The following B3GALT1 variants were observed in gnomAD, a reference collection of about 807,000 sequenced individuals.
B3GALT1 encodes beta-1,3-galactosyltransferase 1.
Under a neutral mutation model 23.2 loss-of-function variants are expected in B3GALT1, and 10 were observed. The ratio of observed to expected loss-of-function variants is 0.43; its 90% CI spans 0.27 to 0.73. The LOEUF (loss-of-function observed/expected upper bound fraction) is 0.73, where lower values mean the gene tolerates loss of function less well. Among genes scored for constraint, B3GALT1 ranks in the 30% least tolerant of loss-of-function variants. B3GALT1 has a pLI of 0.21. For missense variants in B3GALT1, 299 were observed against 405.4 expected (o/e 0.74, Z 2.25); for synonymous variants, 156 against 141.5 (o/e 1.10, Z -0.73).
chr2:167,859,112 T>G (rs1345682649), intron 4 of B3GALT1, among the ~76,000 whole-genome samples: 5 of 152,132 alleles, frequency 3.3e-5, no homozygotes. Flanking sequence ...CTCTTTCACA[T>G]TTCTAATAAA....
At chr2:167,773,172 A>G (rs1344497920) in intron 3 of B3GALT1, among the ~76,000 whole-genome samples, 1 of 152,196 alleles carries the variant, frequency 6.6e-6, no homozygotes, top group South Asian at 2.1e-4. Flanking sequence ...ATTTTAGCCT[A>G]TCAAATAATA....
intron 4 of B3GALT1, among the ~76,000 whole-genome samples, chr2:167,861,507 C>T (rs1396541783): frequency 1.3e-5 from 2 of 152,070 alleles, no homozygotes; most frequent in African/African-American, 4.8e-5. Context: ...AAGTCAAAAA[C>T]CACAAAGATG....
At chr2:167,762,624 A>T (rs796491646) in intron 3 of B3GALT1, among the ~76,000 whole-genome samples, 29 of 152,048 alleles carry the variant, frequency 1.9e-4, no homozygotes, top group African/African-American at 6.7e-4. Context: ...GATAAAATTG[A>T]AAAAGACAGC....
At chr2:167,522,146 G>T (rs1030970158) in intron 2 of B3GALT1, among the ~76,000 whole-genome samples, 1 of 151,662 alleles carries the variant, frequency 6.6e-6, no homozygotes, top group Non-Finnish European at 1.5e-5. Context: ...CTGCCATAAG[G>T]CTTCTAGAAG....
At chr2:167,617,777 A>G (rs905454634) in intron 2 of B3GALT1, among the ~76,000 whole-genome samples, 31 of 152,060 alleles carry the variant, frequency 2.0e-4, no homozygotes, top group Non-Finnish European at 4.1e-4. Flanking sequence ...AAGTAGGGGC[A>G]TCAAGGTTCT....
At chr2:167,346,280 G>T (rs1170480458) in intron 1 of B3GALT1, among the ~76,000 whole-genome samples, 1 of 151,930 alleles carries the variant, frequency 6.6e-6, no homozygotes, top group Non-Finnish European at 1.5e-5. Flanking sequence ...AACACCCTCA[G>T]GCTCAGAAAA....
At chr2:167,469,226 A>G (rs888915812) in intron 1 of B3GALT1, among the ~76,000 whole-genome samples, 12 of 152,136 alleles carry the variant, frequency 7.9e-5, no homozygotes, top group African/African-American at 2.2e-4. Context: ...TAAAAACCCT[A>G]TGCCACCTCT....
chr2:167,299,549 T>G (rs1696412433), intron 1 of B3GALT1, among the ~76,000 whole-genome samples: 1 of 152,168 alleles, frequency 6.6e-6, no homozygotes, highest in Non-Finnish European at 1.5e-5. Context: ...GTAATGCATG[T>G]TGATTTCTCT....
At position 167,713,846 on chromosome 2, in the gene B3GALT1, G is replaced by T; in HGVS notation, c.-352+66880G>T. On this transcript the variant is annotated intron_variant, in intron 3 of 4. Coordinates refer to ENST00000392690, the MANE Select transcript of B3GALT1 (RefSeq NM_020981.4). The stretch of plus-strand genomic sequence containing the variant: ...TGCAAATGGAGCATGTGGTGGACCT[G>T]GGAAATCCCTTGATAGAAAATAACC... 3 of 1,593,110 alleles carry T rather than the reference G, an allele frequency of 1.9e-6. No homozygotes were observed. The South Asian group carries it at 3.3e-5, about 18-fold the overall frequency.
intron 1 of B3GALT1, among the ~76,000 whole-genome samples, chr2:167,354,828 C>T (rs1490719176): frequency 6.6e-6 from 1 of 152,150 alleles, no homozygotes; most frequent in Non-Finnish European, 1.5e-5. Context: ...ATTGCCTGCA[C>T]CACATTTATT....
intron 1 of B3GALT1, among the ~76,000 whole-genome samples, chr2:167,436,652 A>C (rs1698790637): frequency 6.6e-6 from 1 of 152,146 alleles, no homozygotes; most frequent in African/African-American, 2.4e-5. Context: ...TTTTTTCAAC[A>C]AATGTGACCC....
At chr2:167,867,212 C>T (rs535070940) in intron 4 of B3GALT1, among the ~76,000 whole-genome samples, 12 of 152,298 alleles carry the variant, frequency 7.9e-5, no homozygotes, top group Admixed American at 5.2e-4. Flanking sequence ...AGGCGTGAGC[C>T]ACCGCGCCCG....
intron 2 of B3GALT1, among the ~76,000 whole-genome samples, chr2:167,589,083 A>C (rs1013362581): frequency 6.6e-6 from 1 of 152,052 alleles, no homozygotes; most frequent in Non-Finnish European, 1.5e-5. Flanking sequence ...CTGGGACCAC[A>C]GGCATGAGCC....
chr2:167,828,233 G>A (rs1172047335), intron 4 of B3GALT1, among the ~76,000 whole-genome samples: 1 of 152,166 alleles, frequency 6.6e-6, no homozygotes, highest in Non-Finnish European at 1.5e-5. Flanking sequence ...GCCCTATAAT[G>A]TGAAACAGTC....
intron 1 of B3GALT1, among the ~76,000 whole-genome samples, chr2:167,428,406 A>C (rs1285797190): frequency 6.6e-6 from 1 of 152,160 alleles, no homozygotes; most frequent in African/African-American, 2.4e-5. Context: ...ATCCCATAGC[A>C]GCTTACGCCA....
rs75907533 is a variant in B3GALT1, at chr2:167,357,476, A to C, written c.-511+64142A>C. On this transcript the variant is annotated intron_variant, in intron 1 of 4. Transcript: ENST00000392690. ...TGACATTTGTCTTAGCTTACTCCAA[A>C]ATAGAATTTTTGGTATACTAAGTTA... Among the ~76,000 whole-genome samples the C allele has an allele frequency of 1.1e-3, 174 of 152,224 alleles. 1 individual carries two copies. In the East Asian group the frequency reaches 0.018, roughly 16 times the overall value.
At chr2:167,741,226 A>G (rs1271966484) in intron 3 of B3GALT1, among the ~76,000 whole-genome samples, 1 of 152,202 alleles carries the variant, frequency 6.6e-6, no homozygotes, top group Non-Finnish European at 1.5e-5. Flanking sequence ...TTTGTTAGTC[A>G]TTGAACCAAG....
intron 3 of B3GALT1, among the ~76,000 whole-genome samples, chr2:167,791,582 A>G (rs1405807414): frequency 1.3e-5 from 2 of 151,980 alleles, no homozygotes; most frequent in African/African-American, 4.9e-5. Context: ...TGACTTTGCT[A>G]TCAATACAGT....
chr2:167,345,980 C>T (rs1490984887), intron 1 of B3GALT1, among the ~76,000 whole-genome samples: 1 of 151,308 alleles, frequency 6.6e-6, no homozygotes, highest in African/African-American at 2.4e-5. Flanking sequence ...CTTACTTTAG[C>T]ACAGAGGTGG....
Sources: allele counts gnomAD v4.1 joint callset (sites outside exome capture counted in the v4.1 genomes callset), GRCh38; gene constraint gnomAD v4.1.1; transcripts MANE v1.5; gene names NCBI Gene and HGNC (gene_info 2026-07-23, HGNC 2026-07-21).